CWH43: variants seen among roughly 807,000 people sequenced by gnomAD.
The protein encoded by CWH43 is PGAP2-interacting protein.
CWH43 carries 91 observed loss-of-function variants against 85.7 expected under a neutral mutation model. That is an observed-to-expected ratio of 1.06 (90% CI 0.90 to 1.26). The LOEUF is 1.26. Among genes scored for constraint, CWH43 ranks in the 50% most tolerant of loss-of-function variants. The pLI, the probability that CWH43 is intolerant of heterozygous loss-of-function variation, is 0.00. For missense variants in CWH43, 869 were observed against 839.2 expected (o/e 1.04, Z -0.44); for synonymous variants, 323 against 293.6 (o/e 1.10, Z -1.02).
chr4:49,056,875 T>G (rs1784981008), intron 15 of CWH43, among the ~76,000 whole-genome samples: 1 of 152,234 alleles, frequency 6.6e-6, no homozygotes, highest in South Asian at 2.1e-4. Context: ...TCAACATAAT[T>G]TAAATCTTTC....
intron 6 of CWH43, among the ~76,000 whole-genome samples, chr4:49,000,924 T>G (rs907140613): frequency 1.3e-5 from 2 of 152,240 alleles, no homozygotes; most frequent in Non-Finnish European, 2.9e-5. Context: ...TTCATCTTCC[T>G]TTCTGATCAC....
chr4:49,060,689 A>T (rs2109855443), intron 15 of CWH43, among the ~76,000 whole-genome samples: 1 of 152,294 alleles, frequency 6.6e-6, no homozygotes, highest in East Asian at 1.9e-4. Context: ...TATTTCTCTA[A>T]TACATTCAAA....
rs1422454686 is a variant in CWH43 at position 49,050,704 on chromosome 4, G to T, written c.1876G>T (p.Ala626Ser). The change falls in exon 15 of 16, where the codon GCA (alanine) becomes TCA (serine). Residue 626 changes from alanine (A) to serine (S), a missense_variant. Transcript: ENST00000226432. ...CTGTTTCTGCTACAGGTTGGGTTAT[G>T]CAAGAATCTCCCATGCTGAACTGAG... is the stretch of plus-strand genomic sequence containing the variant. ...MYRGLIRLGY[A>S]RISHAELSDS... The T allele has an allele frequency of 3.1e-6, 5 of 1,611,142 alleles. No individual in the cohort carries two copies. Among genetic ancestry groups the T allele is most frequent in the Non-Finnish European group, 4.2e-6 (5 of 1,178,890 alleles).
In CWH43 at chr4:49,036,355, C is replaced by T. The variant is rs189268594; in HGVS notation, c.1659-1681C>T. ...TGAAAAATAACCATAGGCATATTAG[C>T]CTCATTTAAAAATAGAGCTACCACC... On this transcript the variant is annotated intron_variant, in intron 12 of 15. Transcript: ENST00000226432. Among the ~76,000 whole-genome samples the T allele has an allele frequency of 5.5e-4, 84 of 152,258 alleles. 1 individual carries two copies. The highest frequency in any genetic ancestry group is 3.7e-3 in the Admixed American group (56 of 15,298).
chr4:48,986,391 G>T lies in CWH43; in HGVS notation c.-39G>T, dbSNP rs1489814892. 5 of 1,544,330 alleles carry T rather than the reference G, an allele frequency of 3.2e-6. No individual in the cohort carries two copies. The highest frequency in any genetic ancestry group is 4.4e-6 in the Non-Finnish European group (5 of 1,143,772). On this transcript the variant is annotated 5_prime_UTR_variant, in exon 1 of 16. Coordinates refer to ENST00000226432, the MANE Select transcript of CWH43 (RefSeq NM_025087.3). Reference sequence around the variant, plus strand: ...AGGGCTAGGGCAGCGGGCCCGACCCGCACGGCTTTCCTGGAAAGCGCTGCC... The same window carrying T: ...AGGGCTAGGGCAGCGGGCCCGACCCTCACGGCTTTCCTGGAAAGCGCTGCC...
In CWH43 at chr4:49,032,707, G is replaced by A. The variant is rs374813046; in HGVS notation, c.1650G>A (p.Gly550=). 2.8e-5 allele frequency: 45 copies of A among 1,614,004 alleles called. No homozygotes were observed. In the South Asian group the frequency reaches 3.4e-4, roughly 12 times the overall value. ...TGGATTTTGTCGTGACACACTTTGGGAACCACGAGTGGGTTTCTTTGGCCC... is the reference window on the plus strand; with the variant it reads ...TGGATTTTGTCGTGACACACTTTGGAAACCACGAGTGGGTTTCTTTGGCCC... ...KLVDFVVTHF[G]NHEDDLDRKL... Residue 550 remains glycine (G), a synonymous_variant, in exon 12 of 16, where the codon GGG becomes GGA. Coordinates refer to ENST00000226432, the MANE Select transcript of CWH43 (RefSeq NM_025087.3).
At chr4:49,016,667 C>T in intron 8 of CWH43, 1 of 761,090 alleles carries the variant, frequency 1.3e-6, no homozygotes, top group Non-Finnish European at 2.5e-6. Context: ...GGGGCAGTTA[C>T]TGGGCTTCTG....
intron 5 of CWH43, 52 bp from the exon 6 acceptor site, chr4:48,998,408 A>G: frequency 7.5e-7 from 1 of 1,332,024 alleles, no homozygotes; most frequent in Non-Finnish European, 1.1e-6. Context: ...TATATTCGGG[A>G]TGATGAAATA....
chr4:49,029,881 C>A (rs1337177436), intron 10 of CWH43, among the ~76,000 whole-genome samples: 3 of 152,206 alleles, frequency 2.0e-5, no homozygotes, highest in African/African-American at 7.2e-5. Context: ...TGTTCTCCTG[C>A]TGCATTCCCC....
At position 48,988,674 on chromosome 4, in the gene CWH43, A is replaced by G; in HGVS notation, c.235+6A>G. On this transcript the variant is annotated splice_donor_region_variant and intron_variant, in intron 2 of 15. Transcript: ENST00000226432. ...GCTGAGGATAATCACTATTGGTAAG[A>G]TTTAAAAGAGTTTCTTTAAGTTGTT... is the stretch of plus-strand genomic sequence containing the variant. The G allele has an allele frequency of 1.3e-6, 2 of 1,562,208 alleles. No homozygotes were observed. Among genetic ancestry groups the G allele is most frequent in the Non-Finnish European group, 1.7e-6 (2 of 1,155,110 alleles).
chr4:49,014,052 T>C (rs147904536), intron 8 of CWH43, among the ~76,000 whole-genome samples: 3 of 152,290 alleles, frequency 2.0e-5, no homozygotes, highest in East Asian at 1.9e-4. Context: ...TGTAAAGATA[T>C]AAAAAACAAT....
chr4:49,009,841 G>A (rs1783295452), intron 8 of CWH43, among the ~76,000 whole-genome samples: 2 of 152,062 alleles, frequency 1.3e-5, no homozygotes, highest in South Asian at 4.2e-4. Flanking sequence ...TGATCTTGGT[G>A]GATAAGCTTT....
chr4:48,989,523 G>A (rs936135), intron 2 of CWH43, among the ~76,000 whole-genome samples: 85,134 of 152,148 alleles, frequency 0.56, 27,113 homozygotes, highest in Middle Eastern at 0.74. Context: ...CATTTCACTA[G>A]GATGTTGCCA....
intron 5 of CWH43, among the ~76,000 whole-genome samples, chr4:48,995,231 G>T (rs1345555189): frequency 6.6e-6 from 1 of 152,200 alleles, no homozygotes; most frequent in East Asian, 1.9e-4. Flanking sequence ...AGGAGACTAG[G>T]TTGGCTGCCT....
intron 13 of CWH43, among the ~76,000 whole-genome samples, chr4:49,041,467 G>T (rs1412629030): frequency 6.6e-6 from 1 of 152,110 alleles, no homozygotes; most frequent in African/African-American, 2.4e-5. Flanking sequence ...CACATCCCTT[G>T]TAAGTTGGAT....
Position 49,039,320 on chromosome 4 carries a change from T to TATACTG in CWH43, c.1803+1143_1803+1144insCTGATA, listed in dbSNP as rs1553916935. On this transcript the variant is annotated intron_variant, in intron 13 of 15. Coordinates refer to ENST00000226432, the MANE Select transcript of CWH43 (RefSeq NM_025087.3). ...CTCAGGAGACTGATATATATATATA[T>TATACTG]ATATATATATATACTGATGTATATA... is the stretch of plus-strand genomic sequence containing the variant. 2.7e-3 allele frequency among the ~76,000 whole-genome samples: 82 copies of TATACTG among 30,236 alleles called. 16 individuals are homozygous for TATACTG. The highest frequency in any genetic ancestry group is 6.2e-3 in the Admixed American group (7 of 1,124). The allele number at this position is 30,236 out of a possible 152,430, so 19.8% of individuals were successfully genotyped here. A position where few individuals can be genotyped will look rare whatever the true frequency, so the allele number is the denominator to read the frequency against.
intron 8 of CWH43, among the ~76,000 whole-genome samples, chr4:49,007,625 C>G (rs1399858384): frequency 2.0e-5 from 3 of 152,160 alleles, no homozygotes; most frequent in East Asian, 3.9e-4. Flanking sequence ...TCCCTCCCCC[C>G]TCACCCCACC....
At chr4:49,004,971 G>A (rs1783110602) in intron 7 of CWH43, among the ~76,000 whole-genome samples, 1 of 152,096 alleles carries the variant, frequency 6.6e-6, no homozygotes, top group Non-Finnish European at 1.5e-5. Flanking sequence ...TAAATCGAAT[G>A]TTGTGAATCA....
intron 8 of CWH43, among the ~76,000 whole-genome samples, chr4:49,013,737 A>G (rs763007329): frequency 2.0e-5 from 3 of 152,218 alleles, no homozygotes; most frequent in Admixed American, 6.5e-5. Flanking sequence ...AGAATTCAAC[A>G]TGCAGAATTT....
Sources: allele counts gnomAD v4.1 joint callset (sites outside exome capture counted in the v4.1 genomes callset), GRCh38; gene constraint gnomAD v4.1.1; transcripts MANE v1.5; gene names NCBI Gene and HGNC (gene_info 2026-07-23, HGNC 2026-07-21).